Variants in SLC2A13 observed in about 807,000 individuals in gnomAD.
The protein encoded by SLC2A13 is proton myo-inositol cotransporter.
SLC2A13 carries 32 observed loss-of-function variants against 64.4 expected under a neutral mutation model. The ratio of observed to expected loss-of-function variants is 0.50; its 90% CI spans 0.37 to 0.67. The LOEUF is 0.67. SLC2A13 is among the 30% of genes least tolerant of loss of function. SLC2A13 has a pLI of 0.00. For synonymous variants in SLC2A13, 338 were observed against 327.1 expected (o/e 1.03, Z -0.36); for missense variants, 743 against 829.2 (o/e 0.90, Z 1.28).
intron 3 of SLC2A13, among the ~76,000 whole-genome samples, chr12:39,987,265 C>G (rs1947047742): frequency 6.6e-6 from 1 of 152,118 alleles, no homozygotes; most frequent in African/African-American, 2.4e-5. Context: ...TGTCAACAAA[C>G]AATGACAAAA....
chr12:39,820,984 T>C (rs12372475), intron 7 of SLC2A13, among the ~76,000 whole-genome samples: 2,928 of 151,918 alleles, frequency 0.019, 50 homozygotes, highest in South Asian at 0.03. Context: ...TACTGCAGTG[T>C]TCCCCAAACT....
chr12:40,047,691 G>A (rs1256897422), intron 2 of SLC2A13, among the ~76,000 whole-genome samples: 1 of 152,130 alleles, frequency 6.6e-6, no homozygotes, highest in Non-Finnish European at 1.5e-5. Flanking sequence ...AAGGATGTTA[G>A]TTATATCTGT....
chr12:40,058,489 C>A (rs1325770187), intron 1 of SLC2A13, among the ~76,000 whole-genome samples: 2 of 151,930 alleles, frequency 1.3e-5, no homozygotes, highest in African/African-American at 2.4e-5. Flanking sequence ...TTCTGTATCA[C>A]CTGGCTTTCA....
At chr12:39,995,572 A>G (rs1947213131) in intron 3 of SLC2A13, among the ~76,000 whole-genome samples, 1 of 152,212 alleles carries the variant, frequency 6.6e-6, no homozygotes, top group African/African-American at 2.4e-5. Flanking sequence ...AGCATATCAA[A>G]CTATTAAAGA....
At chr12:39,917,080 C>T (rs959149319) in intron 4 of SLC2A13, among the ~76,000 whole-genome samples, 2 of 152,070 alleles carry the variant, frequency 1.3e-5, no homozygotes, top group Admixed American at 6.5e-5. Flanking sequence ...AAACCAAACA[C>T]GGTCCCTTTT....
intron 1 of SLC2A13, among the ~76,000 whole-genome samples, chr12:40,092,665 T>C (rs746809150): frequency 2.0e-5 from 3 of 152,228 alleles, no homozygotes; most frequent in African/African-American, 7.2e-5. Context: ...TGAAATGTAT[T>C]ATAGAATCTG....
At chr12:39,849,220 T>C (rs1016874195) in intron 6 of SLC2A13, among the ~76,000 whole-genome samples, 4 of 151,210 alleles carry the variant, frequency 2.6e-5, no homozygotes, top group African/African-American at 9.7e-5. Flanking sequence ...TGGGAAAGAG[T>C]CCCTAACAGT....
At chr12:40,042,367 CA>C (rs1348659895) in intron 2 of SLC2A13, among the ~76,000 whole-genome samples, 2 of 151,948 alleles carry the variant, frequency 1.3e-5, no homozygotes, top group Non-Finnish European at 2.9e-5. Context: ...CTTGTAAACA[CA>C]GAGACACTCA....
chr12:40,099,205 G>A (rs1333056707), intron 1 of SLC2A13, among the ~76,000 whole-genome samples: 2 of 152,164 alleles, frequency 1.3e-5, no homozygotes, highest in East Asian at 3.8e-4. Flanking sequence ...GGTTTTTCTG[G>A]TGAGTATGAA....
At chr12:40,021,007 T>A (rs1409457655) in intron 3 of SLC2A13, among the ~76,000 whole-genome samples, 2 of 151,954 alleles carry the variant, frequency 1.3e-5, no homozygotes, top group South Asian at 2.1e-4. Flanking sequence ...AAAAAAGAGA[T>A]CTTTGACAAA....
chr12:39,923,348 C>T (rs903403593), intron 4 of SLC2A13, among the ~76,000 whole-genome samples: 2 of 152,236 alleles, frequency 1.3e-5, no homozygotes, highest in Admixed American at 6.5e-5. Context: ...CTGATACATG[C>T]TACAATAAGG....
chr12:39,945,417 G>T (rs1219068637), intron 4 of SLC2A13, among the ~76,000 whole-genome samples: 1 of 152,078 alleles, frequency 6.6e-6, no homozygotes, highest in Non-Finnish European at 1.5e-5. Flanking sequence ...CAAGGCTGGG[G>T]AAGTTTTCCT....
chr12:39,947,199 CA>C (rs1328217079), intron 4 of SLC2A13, among the ~76,000 whole-genome samples: 6 of 152,130 alleles, frequency 3.9e-5, no homozygotes, highest in African/African-American at 1.4e-4. Flanking sequence ...AGTAAAAGAC[CA>C]AATGCCCCAG....
At chr12:39,970,803 C>G (rs1017906694) in intron 3 of SLC2A13, among the ~76,000 whole-genome samples, 3 of 152,200 alleles carry the variant, frequency 2.0e-5, no homozygotes, top group Non-Finnish European at 2.9e-5. Flanking sequence ...GCTATCAATA[C>G]TTTTCACCAT....
chr12:39,764,326 C>G (rs1225448729), intron 9 of SLC2A13, 134 bp downstream of exon 9: 1 of 768,382 alleles, frequency 1.3e-6, no homozygotes, highest in Non-Finnish European at 1.9e-6. Flanking sequence ...CTTTGGAGGA[C>G]AAGAAAGCCA....
At chr12:39,779,808 T>G (rs1940914601) in intron 7 of SLC2A13, among the ~76,000 whole-genome samples, 1 of 152,254 alleles carries the variant, frequency 6.6e-6, no homozygotes, top group East Asian at 1.9e-4. Context: ...TTTAAAAATT[T>G]CAAACTACAC....
chr12:40,083,228 C>T (rs1054126371), intron 1 of SLC2A13, among the ~76,000 whole-genome samples: 2 of 152,214 alleles, frequency 1.3e-5, no homozygotes, highest in Middle Eastern at 3.4e-3. Flanking sequence ...CTTGTTTCAG[C>T]TTATACACAG....
Position 40,105,548 on chromosome 12 carries a change from G to A in SLC2A13, c.261C>T (p.Phe87=). 1 of 1,579,616 alleles carries A rather than the reference G, an allele frequency of 6.3e-7. No homozygotes were observed. Among genetic ancestry groups the A allele is most frequent in the Non-Finnish European group, 8.6e-7 (1 of 1,165,546 alleles). The change falls in exon 1 of 10, where the codon TTC becomes TTT. Residue 87 remains phenylalanine, a synonymous_variant. Transcript: ENST00000280871. The surrounding 1 kb of genome is among the most constrained non-coding windows in gnomAD (Gnocchi z 4.2). ...CAAACAGGAAGCCGCCCAGCGCGGA[G>A]AAGACGGCCACCACGTACACGAAGG... is the stretch of plus-strand genomic sequence containing the variant. ...TPAFVYVVAV[F]SALGGFLFGY...
At chr12:40,080,766 C>T (rs1454431826) in intron 1 of SLC2A13, among the ~76,000 whole-genome samples, 1 of 152,162 alleles carries the variant, frequency 6.6e-6, no homozygotes, top group Admixed American at 6.5e-5. Flanking sequence ...GGTTGTTATG[C>T]AGACTTGATT....
Sources: allele counts gnomAD v4.1 joint callset (sites outside exome capture counted in the v4.1 genomes callset), GRCh38; gene constraint gnomAD v4.1.1; non-coding constraint Gnocchi (gnomAD v3.1); transcripts MANE v1.5; gene names NCBI Gene and HGNC (gene_info 2026-07-23, HGNC 2026-07-21).